IARS2: variants seen among roughly 807,000 people sequenced by gnomAD.
The protein encoded by IARS2 is isoleucine--tRNA ligase, mitochondrial.
IARS2 carries 56 observed loss-of-function variants against 126.3 expected under a neutral mutation model. The ratio of observed to expected loss-of-function variants is 0.44; its 90% CI spans 0.36 to 0.55. IARS2 has a LOEUF of 0.55. Among genes scored for constraint, IARS2 ranks in the 20% least tolerant of loss-of-function variants. IARS2 has a pLI of 0.00. For synonymous variants in IARS2, 407 were observed against 441.1 expected (o/e 0.92, Z 0.97); for missense variants, 1,127 against 1,245.9 (o/e 0.90, Z 1.44).
intron 15 of IARS2, among the ~76,000 whole-genome samples, chr1:220,135,157 A>G (rs923818733): frequency 6.6e-6 from 1 of 152,208 alleles, no homozygotes; most frequent in Non-Finnish European, 1.5e-5. Flanking sequence ...CTGAGTGCAG[A>G]TGTCCTTTAT....
In IARS2 at chr1:220,119,817, C is replaced by T. The variant is rs986947857; in HGVS notation, c.1640+5343C>T. Among the ~76,000 whole-genome samples the T allele has an allele frequency of 2.0e-5, 3 of 152,048 alleles. 1 individual carries two copies. Among genetic ancestry groups the T allele is most frequent in the Non-Finnish European group, 1.5e-5 (1 of 67,980 alleles). On this transcript the variant is annotated intron_variant, in intron 12 of 22. Coordinates refer to ENST00000366922, the MANE Select transcript of IARS2 (RefSeq NM_018060.4). ...TGTCAGCTTAGCTCTTAATGGTTGC[C>T]TAGTTCCTTGTGTATGAAAATCAAA...
chr1:220,120,838 A>G (rs1657034663), intron 12 of IARS2, among the ~76,000 whole-genome samples: 1 of 152,206 alleles, frequency 6.6e-6, no homozygotes, highest in African/African-American at 2.4e-5. Flanking sequence ...TTAAAAATAC[A>G]AATAATTTAT....
At chr1:220,134,368 T>G in intron 14 of IARS2, 34 bp from the exon 15 acceptor site, 1 of 1,404,272 alleles carries the variant, frequency 7.1e-7, no homozygotes, top group Non-Finnish European at 9.8e-7. Flanking sequence ...CTTAAATTTC[T>G]GGGTTTTTTT....
At chr1:220,102,651 C>T in intron 6 of IARS2, 36 bp from the exon 7 acceptor site, 1 of 1,587,014 alleles carries the variant, frequency 6.3e-7, no homozygotes, top group Non-Finnish European at 8.7e-7. Flanking sequence ...TAGAATTATC[C>T]CATTTGCTAA....
chr1:220,147,471 C>T (rs977215527), intron 22 of IARS2, 22 bp from the exon 23 acceptor site: 47 of 1,612,150 alleles, frequency 2.9e-5, no homozygotes, highest in Non-Finnish European at 3.8e-5. Context: ...ATCAGAAATA[C>T]TCTTCATGTA....
intron 19 of IARS2, among the ~76,000 whole-genome samples, chr1:220,140,889 C>T (rs1657475666): frequency 6.7e-6 from 1 of 149,064 alleles, no homozygotes; most frequent in Non-Finnish European, 1.5e-5. Context: ...GAGGCTGAGG[C>T]AGGAGAATGG....
At chr1:220,108,065 A>AT (rs111268011) in intron 10 of IARS2, among the ~76,000 whole-genome samples, 2,296 of 145,246 alleles carry the variant, frequency 0.016, 50 homozygotes, top group African/African-American at 0.052. Context: ...CACCCAGCTA[A>AT]TTTTTTTTTT....
chr1:220,131,075 T>C (rs566521134), intron 14 of IARS2, among the ~76,000 whole-genome samples: 21 of 152,356 alleles, frequency 1.4e-4, no homozygotes, highest in Non-Finnish European at 1.2e-4. Context: ...GGGAGGCTTT[T>C]GTGTTTCCTT....
At chr1:220,147,192 A>G (rs1193479030) in intron 22 of IARS2, among the ~76,000 whole-genome samples, 1 of 152,186 alleles carries the variant, frequency 6.6e-6, no homozygotes, top group Non-Finnish European at 1.5e-5. Context: ...CATCAGAACT[A>G]TACCCAAATT....
chr1:220,132,364 C>G (rs1335748114), intron 14 of IARS2, among the ~76,000 whole-genome samples: 1 of 151,952 alleles, frequency 6.6e-6, no homozygotes, highest in African/African-American at 2.4e-5. Context: ...TTACTCCTTA[C>G]TGTTCTATTT....
At chr1:220,133,220 CT>C (rs1657306264) in intron 14 of IARS2, among the ~76,000 whole-genome samples, 1 of 152,058 alleles carries the variant, frequency 6.6e-6, no homozygotes, top group Admixed American at 6.6e-5. Flanking sequence ...GTTGGTCAAC[CT>C]GGTCTCGAAC....
rs776310019 is a variant in IARS2 at position 220,147,645 on chromosome 1, C to T, written c.*10C>T. The T allele has an allele frequency of 3.7e-5, 60 of 1,613,552 alleles. No homozygotes were observed. The South Asian group carries it at 6.5e-4, about 17-fold the overall frequency. On this transcript the variant is annotated 3_prime_UTR_variant, in exon 23 of 23. Transcript: ENST00000366922. ...TGTCAGTGGAAAATAGTATTAACAGCTCACTCGAGCAAGAACCCTCCTGAC... is the reference window on the plus strand; with the variant it reads ...TGTCAGTGGAAAATAGTATTAACAGTTCACTCGAGCAAGAACCCTCCTGAC...
rs567929087 is a variant in IARS2 at position 220,129,763 on chromosome 1, T to TA, written c.1837+2921dup. Among the ~76,000 whole-genome samples the TA allele has an allele frequency of 5.3e-5, 8 of 152,338 alleles. No individual in the cohort carries two copies. In the East Asian group the frequency reaches 1.5e-3, roughly 29 times the overall value. ...TCTTTATCCATTCATCTTTGATGGATAGTTAGACTGGTTCCATATCTTGGC... is the reference window on the plus strand; with the variant it reads ...TCTTTATCCATTCATCTTTGATGGATAAGTTAGACTGGTTCCATATCTTGGC... On this transcript the variant is annotated intron_variant, in intron 14 of 22. Coordinates refer to ENST00000366922, the MANE Select transcript of IARS2 (RefSeq NM_018060.4).
chr1:220,102,588 A>G lies in IARS2; in HGVS notation c.843A>G (p.Lys281=). 6.2e-7 allele frequency: 1 copy of G among 1,611,560 alleles called. No homozygotes were observed. Among genetic ancestry groups the G allele is most frequent in the African/African-American group, 1.3e-5 (1 of 74,986 alleles). The change falls in exon 6 of 23, where the codon AAA becomes AAG. Residue 281 remains lysine, a synonymous_variant. Coordinates refer to ENST00000366922, the MANE Select transcript of IARS2 (RefSeq NM_018060.4). ...VKFPLLKPSP[K]LASLIDGSSP... The stretch of plus-strand genomic sequence containing the variant: ...TTCCTCTCTTAAAGCCTTCTCCAAA[A>G]TTGGCATCTCTTATAGGTAAGATTT...
intron 11 of IARS2, 69 bp downstream of exon 11, chr1:220,111,006 G>A (rs780517378): frequency 7.1e-7 from 1 of 1,417,526 alleles, no homozygotes; most frequent in Admixed American, 2.2e-5. Context: ...CTGCATGTGA[G>A]GTTGAGGTGG....
chr1:220,100,938 T>C (rs537063117), intron 3 of IARS2, among the ~76,000 whole-genome samples: 74 of 152,326 alleles, frequency 4.9e-4, no homozygotes, highest in African/African-American at 1.6e-3. Flanking sequence ...TTTTTTCTGC[T>C]TTCCTCAAGG....
intron 14 of IARS2, among the ~76,000 whole-genome samples, chr1:220,131,249 T>G (rs557197649): frequency 6.6e-6 from 1 of 152,296 alleles, no homozygotes; most frequent in East Asian, 1.9e-4. Flanking sequence ...CAGTCTCGGC[T>G]CACTGCAACC....
chr1:220,116,561 G>T (rs573526588), intron 12 of IARS2, among the ~76,000 whole-genome samples: 1 of 152,208 alleles, frequency 6.6e-6, no homozygotes, highest in African/African-American at 2.4e-5. Context: ...GGAAAAGAAA[G>T]TAGAGGCTAG....
intron 21 of IARS2, among the ~76,000 whole-genome samples, chr1:220,145,090 A>C (rs1657560776): frequency 6.6e-6 from 1 of 152,110 alleles, no homozygotes; most frequent in Non-Finnish European, 1.5e-5. Context: ...CATGAAAAAA[A>C]AAAAAAAAGG....
Sources: gnomAD v4.1 joint callset for allele counts (sites outside exome capture counted in the v4.1 genomes callset) on GRCh38, gnomAD v4.1.1 for gene constraint, MANE v1.5 for transcripts, NCBI Gene and HGNC (gene_info 2026-07-23, HGNC 2026-07-21) for gene names.